TDP1: variants seen among roughly 807,000 people sequenced by gnomAD.
The protein encoded by TDP1 is tyr-DNA phosphodiesterase 1.
A neutral mutation model predicts 81.5 loss-of-function variants in TDP1; 64 were observed. That is an observed-to-expected ratio of 0.79 (90% CI 0.64 to 0.97). The LOEUF (loss-of-function observed/expected upper bound fraction) is 0.97, where lower values mean the gene tolerates loss of function less well. Ranked by LOEUF, TDP1 falls within the 50% of genes least tolerant of loss-of-function variation. TDP1 has a pLI of 0.00. For missense variants in TDP1, 723 were observed against 743.8 expected, an observed-to-expected ratio of 0.97 and a Z score of 0.33; for synonymous variants, 256 against 264.3, an observed-to-expected ratio of 0.97 and a Z score of 0.30.
At chr14:90,028,753 GT>G (rs1157405881) in intron 15 of TDP1, among the ~76,000 whole-genome samples, 4 of 152,112 alleles carry the variant, frequency 2.6e-5, no homozygotes, top group African/African-American at 9.7e-5. Flanking sequence ...AAGCATATTG[GT>G]TTCTGTCAGA....
intron 14 of TDP1, among the ~76,000 whole-genome samples, chr14:90,000,541 G>A (rs906930952): frequency 6.6e-6 from 1 of 151,978 alleles, no homozygotes; most frequent in African/African-American, 2.4e-5. Flanking sequence ...TGCGCCACCA[G>A]ACCACGGCTA....
chr14:89,990,878 T>A (rs1365853391), intron 12 of TDP1, among the ~76,000 whole-genome samples: 13 of 152,138 alleles, frequency 8.5e-5, no homozygotes, highest in Admixed American at 8.5e-4. Context: ...TAATCCACTG[T>A]GGAGTTTTCT....
chr14:90,026,150 A>G (rs904478891), intron 15 of TDP1, among the ~76,000 whole-genome samples: 2 of 152,216 alleles, frequency 1.3e-5, no homozygotes, highest in African/African-American at 4.8e-5. Context: ...GTGTGTACCA[A>G]AAGTACATGC....
intron 12 of TDP1, among the ~76,000 whole-genome samples, chr14:89,990,772 A>G (rs985615901): frequency 2.0e-5 from 3 of 152,076 alleles, no homozygotes; most frequent in Admixed American, 2.0e-4. Flanking sequence ...AAGACAGGAC[A>G]TGCCCTATTT....
chr14:90,033,196 G>C lies in TDP1; in HGVS notation c.1735G>C (p.Glu579Gln). The change falls in exon 16 of 17, where the codon GAA becomes CAA. Residue 579 changes from glutamate (E) to glutamine (Q), a missense_variant. Glu to Gln is a conservative substitution (Grantham distance 29). Coordinates refer to ENST00000335725, the MANE Select transcript of TDP1 (RefSeq NM_018319.4). ...TCCTGTGCCATATGATTTGCCTCCAGAACTGTATGGAAGTAAAGGTGAGAC... is the reference window on the plus strand; with the variant it reads ...TCCTGTGCCATATGATTTGCCTCCACAACTGTATGGAAGTAAAGGTGAGAC... The part of the protein sequence containing the change: ...TFPVPYDLPP[E>Q]LYGSKDRPWI... 6.2e-7 allele frequency: 1 copy of C among 1,604,524 alleles called. No homozygotes were observed. Among genetic ancestry groups the C allele is most frequent in the South Asian group, 1.1e-5 (1 of 90,858 alleles).
chr14:89,984,028 A>C, intron 8 of TDP1: 1 of 738,498 alleles, frequency 1.4e-6, no homozygotes, highest in Non-Finnish European at 1.7e-6. Flanking sequence ...TTTCACATGC[A>C]CTTTTGGTAT....
chr14:89,992,057 T>G, intron 13 of TDP1, 74 bp downstream of exon 13: 7 of 1,337,612 alleles, frequency 5.2e-6, no homozygotes, highest in Admixed American at 1.7e-5. Flanking sequence ...TGGTTTGTTT[T>G]TTTTTTTAAA....
At chr14:89,985,742 T>A (rs1459942924) in intron 10 of TDP1, among the ~76,000 whole-genome samples, 1 of 152,170 alleles carries the variant, frequency 6.6e-6, no homozygotes, top group African/African-American at 2.4e-5. Context: ...CTTAATAAAT[T>A]CCCTGGCCAG....
intron 14 of TDP1, among the ~76,000 whole-genome samples, 175 bp downstream of exon 14, chr14:89,993,658 T>C (rs1341373060): frequency 6.6e-6 from 1 of 152,204 alleles, no homozygotes; most frequent in Non-Finnish European, 1.5e-5. Context: ...CTTTGTAAAG[T>C]ATATGATCAT....
chr14:89,984,380 T>C, intron 8 of TDP1, 136 bp from the exon 9 acceptor site: 1 of 1,562,990 alleles, frequency 6.4e-7, no homozygotes, highest in Non-Finnish European at 8.6e-7. Context: ...GATTTATGTT[T>C]CATGTTTCCT....
chr14:90,010,501 C>G (rs1884574627), intron 14 of TDP1, among the ~76,000 whole-genome samples: 1 of 152,104 alleles, frequency 6.6e-6, no homozygotes, highest in South Asian at 2.1e-4. Flanking sequence ...ATCAACTGAC[C>G]TTAAAATGGG....
At chr14:90,035,110 G>A (rs1173533120) in intron 16 of TDP1, among the ~76,000 whole-genome samples, 1 of 151,924 alleles carries the variant, frequency 6.6e-6, no homozygotes, top group Non-Finnish European at 1.5e-5. Flanking sequence ...GGTGAACCAA[G>A]CCTCCTCTGT....
intron 13 of TDP1, 111 bp from the exon 14 acceptor site, chr14:89,993,265 C>G (rs1242757397): frequency 8.0e-6 from 10 of 1,255,048 alleles, no homozygotes; most frequent in African/African-American, 7.5e-5. Flanking sequence ...AGTCGTGTAG[C>G]CACTGTTGAT....
Position 90,019,033 on chromosome 14 carries a change from G to A in TDP1, c.1542-283G>A, listed in dbSNP as rs747108595. Reference sequence around the variant, plus strand: ...GTGAAAAGAAAAGGGGCTTTAGAACGAAAAAAATAAAATCTAAGGAAAGAT... The same window carrying A: ...GTGAAAAGAAAAGGGGCTTTAGAACAAAAAAAATAAAATCTAAGGAAAGAT... On this transcript the variant is annotated intron_variant, in intron 14 of 16. Transcript: ENST00000335725. 6.3e-5 allele frequency: 62 copies of A among 984,042 alleles called. 1 individual carries two copies. The South Asian group carries it at 9.4e-4, about 15-fold the overall frequency. 61.0% of individuals were successfully genotyped at this position (984,042 alleles called of 1,614,324 possible). A position where few individuals can be genotyped will look rare whatever the true frequency, so the allele number is the denominator to read the frequency against.
intron 5 of TDP1, 95 bp from the exon 6 acceptor site, chr14:89,971,080 C>G (rs1452168822): frequency 2.3e-5 from 24 of 1,059,418 alleles, no homozygotes; most frequent in Non-Finnish European, 3.1e-5. Flanking sequence ...AGGTAGTCCA[C>G]CTGCCTCGGC....
At position 89,955,989 on chromosome 14, in the gene TDP1, TGGGCGCGGACTCGGTGCGGTCTCTCGC is replaced by T. The variant is rs1381719855; in HGVS notation, c.-231+24_-231+50del. 6.6e-6 allele frequency: 1 copy of T among 152,486 alleles called. No homozygotes were observed. The highest frequency in any genetic ancestry group is 1.5e-5 in the Non-Finnish European group (1 of 68,320). 9.4% of individuals were successfully genotyped at this position (152,486 alleles called of 1,614,324 possible). On this transcript the variant is annotated intron_variant, in intron 1 of 16. Transcript: ENST00000335725. ...GCCTCAGGTACGTGTTGGGCGGCAG[TGGGCGCGGACTCGGTGCGGTCTCTCGC>T]GGGCTGCGGTCGGGCCCGGGATCCT...
chr14:90,006,833 C>T (rs1294410894), intron 14 of TDP1, among the ~76,000 whole-genome samples: 4 of 152,164 alleles, frequency 2.6e-5, no homozygotes, highest in Non-Finnish European at 5.9e-5. Flanking sequence ...GGCACCATGC[C>T]CAGCCCATGC....
chr14:89,997,240 G>C (rs1244857349), intron 14 of TDP1, among the ~76,000 whole-genome samples: 1 of 152,190 alleles, frequency 6.6e-6, no homozygotes, highest in Admixed American at 6.5e-5. Flanking sequence ...CCAAGTCCAT[G>C]CCTGTCTTGT....
intron 14 of TDP1, among the ~76,000 whole-genome samples, chr14:89,998,424 G>GTA (rs1896889783): frequency 7.6e-5 from 6 of 78,532 alleles, no homozygotes; most frequent in African/African-American, 3.8e-4. Flanking sequence ...ATATATATAT[G>GTA]TATGTATGTA....
Sources: allele counts gnomAD v4.1 joint callset (sites outside exome capture counted in the v4.1 genomes callset), GRCh38; gene constraint gnomAD v4.1.1; transcripts MANE v1.5; gene names NCBI Gene and HGNC (gene_info 2026-07-23, HGNC 2026-07-21).